BAZ2B: variants seen among roughly 807,000 people sequenced by gnomAD.
The protein encoded by BAZ2B is bromodomain adjacent to zinc finger domain 2B.
Under a neutral mutation model 246.0 loss-of-function variants are expected in BAZ2B, and 91 were observed. That is an observed-to-expected ratio of 0.37 (90% confidence interval 0.31 to 0.44). BAZ2B has a LOEUF of 0.44. BAZ2B is among the 20% of genes least tolerant of loss of function. The pLI is 1.00. For synonymous variants in BAZ2B, 855 were observed against 860.0 expected (o/e 0.99, Z 0.10); for missense variants, 2,332 against 2,533.7 (o/e 0.92, Z 1.71).
chr2:159,554,841 C>T (rs1190610752), intron 2 of BAZ2B, among the ~76,000 whole-genome samples: 2 of 151,908 alleles, frequency 1.3e-5, no homozygotes, highest in East Asian at 3.8e-4. Context: ...TGGATAAAGG[C>T]CCTGGAAAAG....
chr2:159,380,560 C>T (rs1407775552), intron 25 of BAZ2B, among the ~76,000 whole-genome samples: 1 of 152,162 alleles, frequency 6.6e-6, no homozygotes, highest in African/African-American at 2.4e-5. Flanking sequence ...GGCCTTCTTA[C>T]AAGGTTGGTC....
At chr2:159,464,685 T>C (rs2076828696) in intron 3 of BAZ2B, 1 of 152,192 alleles carries the variant, frequency 6.6e-6, no homozygotes, top group African/African-American at 2.4e-5. Context: ...GTTCAAGAAA[T>C]GATGCACCAA....
At chr2:159,327,070 T>TTTTTTG (rs2063819782) in intron 34 of BAZ2B, among the ~76,000 whole-genome samples, 1 of 151,404 alleles carries the variant, frequency 6.6e-6, no homozygotes. Flanking sequence ...TTTTTTTTTT[T>TTTTTTG]GAGGCAGTCT....
downstream of BAZ2B, among the ~76,000 whole-genome samples, chr2:159,317,694 T>C (rs1192239079): frequency 2.6e-5 from 4 of 152,172 alleles, no homozygotes; most frequent in Non-Finnish European, 5.9e-5. Flanking sequence ...GCCTAATTTA[T>C]CTTAAGGAAA....
chr2:159,405,481 G>C (rs1387677510), intron 14 of BAZ2B, among the ~76,000 whole-genome samples: 1 of 152,100 alleles, frequency 6.6e-6, no homozygotes, highest in African/African-American at 2.4e-5. Context: ...AAAGTGCTGG[G>C]ATTACAGGTG....
intron 1 of BAZ2B, among the ~76,000 whole-genome samples, chr2:159,556,586 G>C (rs1017490365): frequency 7.9e-5 from 12 of 152,188 alleles, no homozygotes; most frequent in African/African-American, 2.6e-4. Flanking sequence ...TCAGCCTCCT[G>C]TGCAGATGGG....
At position 159,414,478 on chromosome 2, in the gene BAZ2B, C is replaced by T. The variant is rs568642562; in HGVS notation, c.2467-1933G>A. Reference sequence around the variant, plus strand: ...ATAAATGCTTGAGGTGATGAATACCCCATTTACTCTGATGTTATTATTTTG... The same window carrying T: ...ATAAATGCTTGAGGTGATGAATACCTCATTTACTCTGATGTTATTATTTTG... On this transcript the variant is annotated intron_variant, in intron 13 of 36. Coordinates refer to ENST00000392783, the MANE Select transcript of BAZ2B (RefSeq NM_013450.4). Among the ~76,000 whole-genome samples, 4 of 152,124 alleles carry T rather than the reference C, an allele frequency of 2.6e-5. No individual in the cohort carries two copies. In the South Asian group the frequency reaches 8.3e-4, roughly 32 times the overall value.
Position 159,332,582 on chromosome 2 carries a change from T to G in BAZ2B, c.5901A>C (p.Thr1967=), listed in dbSNP as rs1471584130. ...GACAAAACCAGTCTCCATCTGGGAT[T>G]GTTGTAATCTTGGGTCTATGGCAGT... The part of the protein sequence containing the change: ...HTYCHRPKIT[T]IPDGDWFCPA... The change falls in exon 34 of 37, where the codon ACA becomes ACC. Residue 1967 remains threonine, a synonymous_variant. Transcript: ENST00000392783. 3.1e-6 allele frequency: 5 copies of G among 1,613,982 alleles called. No homozygotes were observed. The Admixed American group carries it at 8.3e-5, about 27-fold the overall frequency.
intron 2 of BAZ2B, among the ~76,000 whole-genome samples, chr2:159,555,229 T>G (rs2088942686): frequency 6.6e-6 from 1 of 151,816 alleles, no homozygotes; most frequent in African/African-American, 2.4e-5. Context: ...GTAGCTGGGA[T>G]TACAGGTGTG....
rs763230522 is a variant in BAZ2B at position 159,382,640 on chromosome 2, A to G, written c.3924T>C (p.Asp1308=). The G allele has an allele frequency of 6.3e-7, 1 of 1,583,802 alleles. No individual in the cohort carries two copies. Among genetic ancestry groups the G allele is most frequent in the Non-Finnish European group, 8.6e-7 (1 of 1,162,242 alleles). Residue 1308 remains aspartate, a synonymous_variant, in exon 25 of 37, where the codon GAT becomes GAC. Transcript: ENST00000392783. ...DYDDDDDDDS[D]DQGDEDDEDE... ...CCTCATCATCTTCATCCCCTTGGTCATCACTGTCATCGTCATCATCATCGT... is the reference window on the plus strand; with the variant it reads ...CCTCATCATCTTCATCCCCTTGGTCGTCACTGTCATCGTCATCATCATCGT...
chr2:159,381,702 C>T (rs2062013005), intron 25 of BAZ2B, among the ~76,000 whole-genome samples: 1 of 152,104 alleles, frequency 6.6e-6, no homozygotes, highest in African/African-American at 2.4e-5. Context: ...TTAATGCTGA[C>T]CATGCCATTC....
the BAZ2B span, among the ~76,000 whole-genome samples, chr2:159,627,123 A>T: frequency 6.6e-6 from 1 of 152,174 alleles, no homozygotes; most frequent in Admixed American, 6.5e-5. Flanking sequence ...ACAAAGAAGA[A>T]GTTGAATCCC....
At chr2:159,695,818 G>A in the BAZ2B span, among the ~76,000 whole-genome samples, 1 of 151,950 alleles carries the variant, frequency 6.6e-6, no homozygotes, top group African/African-American at 2.4e-5. Context: ...GCAGTGGCGT[G>A]ATCTTGGCTC....
At chr2:159,649,384 T>C in the BAZ2B span, among the ~76,000 whole-genome samples, 1 of 152,150 alleles carries the variant, frequency 6.6e-6, no homozygotes, top group South Asian at 2.1e-4. Flanking sequence ...CAGTTCACAA[T>C]AGGGTTTGTG....
chr2:159,534,484 T>TA (rs2085715140), intron 2 of BAZ2B, among the ~76,000 whole-genome samples: 1 of 152,190 alleles, frequency 6.6e-6, no homozygotes. Context: ...TAAACATATC[T>TA]AAACATAGAA....
At chr2:159,641,601 T>A in the BAZ2B span, among the ~76,000 whole-genome samples, 12 of 152,312 alleles carry the variant, frequency 7.9e-5, no homozygotes, top group Admixed American at 7.2e-4. Flanking sequence ...TTTGTTGCAA[T>A]TGCTTTTGGA....
At chr2:159,651,219 A>G in the BAZ2B span, among the ~76,000 whole-genome samples, 1 of 152,204 alleles carries the variant, frequency 6.6e-6, no homozygotes, top group Non-Finnish European at 1.5e-5. Context: ...GGGTTGGTAC[A>G]GTATTATGGC....
intron 1 of BAZ2B, among the ~76,000 whole-genome samples, chr2:159,608,848 C>T (rs997622953): frequency 5.3e-5 from 8 of 152,042 alleles, no homozygotes; most frequent in Non-Finnish European, 1.2e-4. Flanking sequence ...CAAACCTATC[C>T]AGCCATTTCT....
chr2:159,553,944 G>T (rs1215788861), intron 2 of BAZ2B, among the ~76,000 whole-genome samples: 1 of 151,880 alleles, frequency 6.6e-6, no homozygotes, highest in Non-Finnish European at 1.5e-5. Context: ...CAGCCACACG[G>T]TAAACATATA....
Sources: gnomAD v4.1 joint callset for allele counts (sites outside exome capture counted in the v4.1 genomes callset) on GRCh38, gnomAD v4.1.1 for gene constraint, MANE v1.5 for transcripts, NCBI Gene and HGNC (gene_info 2026-07-23, HGNC 2026-07-21) for gene names.